Variants in PFKFB3 observed in about 807,000 individuals in gnomAD.
PFKFB3 encodes the protein 6-phosphofructo-2-kinase/fructose-2,6-bisphosphatase 3.
PFKFB3 carries 33 observed loss-of-function variants against 68.0 expected under a neutral mutation model. The ratio of observed to expected loss-of-function variants is 0.49; its 90% CI spans 0.37 to 0.65. The LOEUF is 0.65. Ranked by LOEUF, PFKFB3 falls within the 30% of genes least tolerant of loss-of-function variation. PFKFB3 has a pLI of 0.00. For synonymous variants in PFKFB3, 315 were observed against 288.2 expected, an observed-to-expected ratio of 1.09 and a Z score of -0.94; for missense variants, 586 against 712.2, an observed-to-expected ratio of 0.82 and a Z score of 2.02.
chr10:6,237,023 G>A (rs1013681894), downstream of PFKFB3, among the ~76,000 whole-genome samples: 8 of 152,118 alleles, frequency 5.3e-5, no homozygotes, highest in Admixed American at 1.3e-4. Context: ...CCTTAGCTCC[G>A]GCCACACTGG....
chr10:6,188,488 C>T (rs1437832880), intron 1 of PFKFB3, among the ~76,000 whole-genome samples: 2 of 151,238 alleles, frequency 1.3e-5, no homozygotes, highest in Non-Finnish European at 2.9e-5. Context: ...GTTTAAAATG[C>T]GATAAAAATG....
intron 1 of PFKFB3, among the ~76,000 whole-genome samples, chr10:6,153,372 G>A (rs1401152873): frequency 1.3e-5 from 2 of 152,208 alleles, no homozygotes; most frequent in Non-Finnish European, 2.9e-5. Flanking sequence ...GGCTGCGGCA[G>A]TGAACAAAAC....
chr10:6,175,062 C>T (rs768508580), intron 1 of PFKFB3, among the ~76,000 whole-genome samples: 12 of 152,172 alleles, frequency 7.9e-5, no homozygotes, highest in Non-Finnish European at 1.8e-4. Context: ...GTGTTCCGTG[C>T]GTCTGCCTCC....
At chr10:6,168,963 C>T (rs1230374565) in intron 1 of PFKFB3, among the ~76,000 whole-genome samples, 3 of 152,160 alleles carry the variant, frequency 2.0e-5, no homozygotes, top group Non-Finnish European at 4.4e-5. Flanking sequence ...ACTCCTTATG[C>T]TTTCTCTTTT....
chr10:6,147,260 G>A (rs1225884265), intron 1 of PFKFB3, among the ~76,000 whole-genome samples: 2 of 152,230 alleles, frequency 1.3e-5, no homozygotes, highest in Non-Finnish European at 1.5e-5. Flanking sequence ...ACCTTTGAGC[G>A]ATCTGAATGT....
At chr10:6,203,375 T>C (rs1843465892) in intron 1 of PFKFB3, 39 bp downstream of exon 1, 4 of 1,527,286 alleles carry the variant, frequency 2.6e-6, no homozygotes, top group Non-Finnish European at 3.6e-6. Context: ...CAGGGCGGGC[T>C]GCGCCGGGCC....
chr10:6,167,172 C>G (rs1435755942), intron 1 of PFKFB3, among the ~76,000 whole-genome samples: 2 of 152,216 alleles, frequency 1.3e-5, no homozygotes, highest in Non-Finnish European at 2.9e-5. Flanking sequence ...ACCCCATGTG[C>G]CTAGACAAGG....
chr10:6,178,799 A>G (rs917218941), intron 1 of PFKFB3, among the ~76,000 whole-genome samples: 5 of 152,160 alleles, frequency 3.3e-5, no homozygotes, highest in Non-Finnish European at 4.4e-5. Flanking sequence ...GTCCAGCCCC[A>G]CCTGCCCCTC....
chr10:6,161,068 T>C (rs1387428427), intron 1 of PFKFB3, among the ~76,000 whole-genome samples: 2 of 152,166 alleles, frequency 1.3e-5, no homozygotes, highest in Non-Finnish European at 2.9e-5. Flanking sequence ...CCCGAGTAGC[T>C]GGGACTACAG....
At chr10:6,278,110 G>A in the PFKFB3 span, among the ~76,000 whole-genome samples, 1 of 151,892 alleles carries the variant, frequency 6.6e-6, no homozygotes, top group Non-Finnish European at 1.5e-5. Flanking sequence ...TAGAGACGGG[G>A]TTTCGCCATG....
rs1588556326 is a variant in PFKFB3, at chr10:6,235,034, T to G, written c.*2092T>G. 1 of 138,188 alleles carries G rather than the reference T, an allele frequency of 7.2e-6. No individual in the cohort carries two copies. Among genetic ancestry groups the G allele is most frequent in the African/African-American group, 2.6e-5 (1 of 38,072 alleles). The allele number at this position is 138,188 out of a possible 1,614,324, so 8.6% of individuals were successfully genotyped here. The stretch of plus-strand genomic sequence containing the variant: ...ATTGGACGGGGGCCGGGGGCGGGGG[T>G]TGGGTTTGAGCTACAGTCATGAACT... On this transcript the variant is annotated 3_prime_UTR_variant, in exon 15 of 15. Coordinates refer to ENST00000379775, the MANE Select transcript of PFKFB3 (RefSeq NM_004566.4).
the PFKFB3 span, among the ~76,000 whole-genome samples, chr10:6,285,795 A>C: frequency 1.3e-5 from 2 of 152,088 alleles, no homozygotes; most frequent in Non-Finnish European, 2.9e-5. Context: ...ACCTCGTGTA[A>C]GTGGAATCAT....
chr10:6,254,808 CTTTTTTTTTTTTT>C (rs144888417), downstream of PFKFB3, among the ~76,000 whole-genome samples: 7 of 61,636 alleles, frequency 1.1e-4, no homozygotes, highest in South Asian at 6.1e-4. Context: ...TTTTTCTGTT[CTTTTTTTTTTTTT>C]TTTTTTTTTT....
chr10:6,153,177 A>C (rs1841650151), intron 1 of PFKFB3, among the ~76,000 whole-genome samples: 1 of 18,962 alleles, frequency 5.3e-5, no homozygotes. Context: ...GTCTCAGAAA[A>C]AAGAAAGAAA....
chr10:6,302,775 C>G, the PFKFB3 span, among the ~76,000 whole-genome samples: 2 of 135,208 alleles, frequency 1.5e-5, no homozygotes, highest in African/African-American at 5.4e-5. Context: ...CACACACACA[C>G]ACACATATAC....
chr10:6,147,183 G>A (rs1227153483), intron 1 of PFKFB3, among the ~76,000 whole-genome samples: 1 of 152,224 alleles, frequency 6.6e-6, no homozygotes, highest in Non-Finnish European at 1.5e-5. Flanking sequence ...GGGACAGCAC[G>A]GCACGTCAAC....
chr10:6,213,621 A>G lies in PFKFB3; in HGVS notation c.77-2A>G. ...ACACACCCTTCTTGCTTGTTTTTCC[A>G]GCCTGTGGGCCAAAGCTGACCAACT... On this transcript the variant is annotated splice_acceptor_variant, in intron 1 of 14. Coordinates refer to ENST00000379775, the MANE Select transcript of PFKFB3 (RefSeq NM_004566.4). LOFTEE classifies it high-confidence loss of function. 6.2e-7 allele frequency: 1 copy of G among 1,609,872 alleles called. No homozygotes were observed. The highest frequency in any genetic ancestry group is 1.7e-5 in the Admixed American group (1 of 59,382).
At chr10:6,174,325 T>C (rs1348403624) in intron 1 of PFKFB3, among the ~76,000 whole-genome samples, 1 of 152,178 alleles carries the variant, frequency 6.6e-6, no homozygotes, top group East Asian at 1.9e-4. Flanking sequence ...GCCTAGTTTA[T>C]CAATCCAGGA....
chr10:6,250,935 G>A (rs887644967), intron 14 of PFKFB3, among the ~76,000 whole-genome samples: 2 of 152,162 alleles, frequency 1.3e-5, no homozygotes, highest in South Asian at 4.1e-4. Flanking sequence ...TAACTTAGCC[G>A]CACACCAGAA....
Sources: gnomAD v4.1 joint callset for allele counts (sites outside exome capture counted in the v4.1 genomes callset) on GRCh38, gnomAD v4.1.1 for gene constraint, MANE v1.5 for transcripts, NCBI Gene and HGNC (gene_info 2026-07-23, HGNC 2026-07-21) for gene names.